CNIH3: variants seen among roughly 807,000 people sequenced by gnomAD.
The protein encoded by CNIH3 is cornichon family AMPA receptor auxiliary protein 3.
A neutral mutation model predicts 24.1 loss-of-function variants in CNIH3; 14 were observed. The ratio of observed to expected loss-of-function variants is 0.58; its 90% CI spans 0.38 to 0.91. The LOEUF (loss-of-function observed/expected upper bound fraction) is 0.91, where lower values mean the gene tolerates loss of function less well. CNIH3 is among the 40% of genes least tolerant of loss of function. The pLI, the probability that CNIH3 is intolerant of heterozygous loss-of-function variation, is 0.00. For missense variants in CNIH3, 178 were observed against 196.8 expected (o/e 0.90, Z 0.57); for synonymous variants, 68 against 73.8 (o/e 0.92, Z 0.40).
At chr1:224,614,131 C>T (rs1045183667), upstream of CNIH3, among the ~76,000 whole-genome samples, 3 of 152,138 alleles carry the variant, frequency 2.0e-5, no homozygotes, top group Non-Finnish European at 2.9e-5. Flanking sequence ...CTGCCCACCT[C>T]GACCTCCCCA....
chr1:224,649,119 AC>A (rs1684752746), intron 1 of CNIH3, among the ~76,000 whole-genome samples: 1 of 152,210 alleles, frequency 6.6e-6, no homozygotes, highest in African/African-American at 2.4e-5. Flanking sequence ...TGAGACTGTT[AC>A]ATCTGGAAAG....
At chr1:224,643,634 C>T (rs1185804623) in intron 1 of CNIH3, among the ~76,000 whole-genome samples, 1 of 152,130 alleles carries the variant, frequency 6.6e-6, no homozygotes, top group Non-Finnish European at 1.5e-5. Context: ...CACACAGCCA[C>T]AGAAAATTAC....
chr1:224,532,906 C>T (rs961432962), intron 2 of CNIH3, among the ~76,000 whole-genome samples: 2 of 152,086 alleles, frequency 1.3e-5, no homozygotes, highest in Non-Finnish European at 2.9e-5. Context: ...TCCTATTGTA[C>T]AGATGAGGAC....
chr1:224,506,304 C>T (rs1467813178), intron 1 of CNIH3, among the ~76,000 whole-genome samples: 3 of 151,324 alleles, frequency 2.0e-5, no homozygotes, highest in African/African-American at 4.9e-5. Context: ...CACACACACA[C>T]GGTCACTCCT....
chr1:224,647,365 C>T (rs1159967522), intron 1 of CNIH3, among the ~76,000 whole-genome samples: 2 of 152,138 alleles, frequency 1.3e-5, no homozygotes, highest in Non-Finnish European at 2.9e-5. Flanking sequence ...TTCTTCAGAC[C>T]AAATAGTGAG....
At chr1:224,693,183 G>A (rs552771757) in intron 3 of CNIH3, among the ~76,000 whole-genome samples, 112 of 152,272 alleles carry the variant, frequency 7.4e-4, no homozygotes, top group Admixed American at 1.3e-3. Flanking sequence ...TCCTTGATGC[G>A]TAAACTGTGG....
At chr1:224,504,662 TG>T (rs1677820887) in intron 1 of CNIH3, among the ~76,000 whole-genome samples, 1 of 152,182 alleles carries the variant, frequency 6.6e-6, no homozygotes, top group Non-Finnish European at 1.5e-5. Flanking sequence ...TGGGTTCTCC[TG>T]TGACTTAGTT....
chr1:224,510,617 A>AC (rs1678111419), intron 1 of CNIH3, among the ~76,000 whole-genome samples: 2 of 150,452 alleles, frequency 1.3e-5, no homozygotes, highest in Non-Finnish European at 3.0e-5. Flanking sequence ...AACAAAAAAA[A>AC]AACAAAAAAA....
chr1:224,580,506 G>A (rs766774426), intron 4 of CNIH3, among the ~76,000 whole-genome samples: 2 of 152,050 alleles, frequency 1.3e-5, no homozygotes, highest in African/African-American at 2.4e-5. Flanking sequence ...AAAGGGCAAA[G>A]CGAAAAAAGG....
chr1:224,586,062 T>G (rs576431147), intron 5 of CNIH3, among the ~76,000 whole-genome samples: 1 of 152,202 alleles, frequency 6.6e-6, no homozygotes, highest in Non-Finnish European at 1.5e-5. Context: ...TTCCTTCCCC[T>G]AGTACTGCAG....
At chr1:224,556,110 C>T (rs888116167) in intron 3 of CNIH3, among the ~76,000 whole-genome samples, 5 of 151,666 alleles carry the variant, frequency 3.3e-5, no homozygotes, top group Admixed American at 2.0e-4. Context: ...TGCCTGCAGG[C>T]ATAGGACATC....
chr1:224,582,124 A>G (rs1353251834), intron 4 of CNIH3, among the ~76,000 whole-genome samples: 1 of 152,194 alleles, frequency 6.6e-6, no homozygotes, highest in Non-Finnish European at 1.5e-5. Context: ...CTTTTCTTTC[A>G]TAATATTTAC....
In CNIH3 at chr1:224,722,532, T is replaced by C. The variant is rs552937966; in HGVS notation, c.199-7930T>C. The stretch of plus-strand genomic sequence containing the variant: ...GGATGGGGCCAAAATTCTGCATTTC[T>C]AACAAGATCCCAGGAGAAACTGGAT... On this transcript the variant is annotated intron_variant, in intron 3 of 5. Transcript: ENST00000272133. Among the ~76,000 whole-genome samples, 14 of 152,288 alleles carry C rather than the reference T, an allele frequency of 9.2e-5. No homozygotes were observed. In the South Asian group the frequency reaches 2.9e-3, roughly 32 times the overall value.
chr1:224,525,808 A>G (rs1678822914), intron 2 of CNIH3, among the ~76,000 whole-genome samples: 2 of 152,186 alleles, frequency 1.3e-5, no homozygotes. Flanking sequence ...AGATGGGGGT[A>G]TCAGAATAAG....
chr1:224,576,070 C>G (rs1456173444), intron 4 of CNIH3, among the ~76,000 whole-genome samples: 1 of 152,182 alleles, frequency 6.6e-6, no homozygotes, highest in Admixed American at 6.5e-5. Context: ...AGTCTCTTAA[C>G]TACTAAACCT....
intron 3 of CNIH3, among the ~76,000 whole-genome samples, chr1:224,557,009 G>A (rs964536282): frequency 2.6e-5 from 4 of 152,116 alleles, no homozygotes; most frequent in Admixed American, 2.0e-4. Flanking sequence ...TTCTCAAACA[G>A]GCTTGAAGAG....
chr1:224,517,575 T>C (rs948029990), intron 1 of CNIH3, among the ~76,000 whole-genome samples: 6 of 152,114 alleles, frequency 3.9e-5, no homozygotes, highest in African/African-American at 1.2e-4. Flanking sequence ...GATGCACCCA[T>C]CACCTAAACA....
rs548253456 is a variant in CNIH3, at chr1:224,551,254, T to C, written n.450+4315T>C. On this transcript the variant is annotated intron_variant and non_coding_transcript_variant, in intron 3 of 5. Transcript: ENST00000471578. Reference sequence around the variant, plus strand: ...CAAAGGATTATAAATCATGCTGCTATAAAGACACATGCACACATATGTTTA... The same window carrying C: ...CAAAGGATTATAAATCATGCTGCTACAAAGACACATGCACACATATGTTTA... 3.9e-5 allele frequency among the ~76,000 whole-genome samples: 6 copies of C among 152,232 alleles called. No individual in the cohort carries two copies. The South Asian group carries it at 1.2e-3, about 32-fold the overall frequency.
At chr1:224,692,009 A>G (rs10495226) in intron 3 of CNIH3, among the ~76,000 whole-genome samples, 6,455 of 152,318 alleles carry the variant, frequency 0.042, 218 homozygotes, top group East Asian at 0.15. Flanking sequence ...ATGTGCTAAC[A>G]ACTGGAAAGG....
Sources: gnomAD v4.1 joint callset for allele counts (sites outside exome capture counted in the v4.1 genomes callset) on GRCh38, gnomAD v4.1.1 for gene constraint, MANE v1.5 for transcripts, NCBI Gene and HGNC (gene_info 2026-07-23, HGNC 2026-07-21) for gene names.